Variants in SGCD observed in about 807,000 individuals in gnomAD.
SGCD encodes sarcoglycan delta.
In SGCD, 18 loss-of-function variants were observed where a neutral mutation model predicts 36.6. The observed-to-expected ratio is 0.49, with a 90% CI of 0.34 to 0.73. The LOEUF is 0.73. SGCD is among the 30% of genes least tolerant of loss of function. The pLI, the probability that SGCD is intolerant of heterozygous loss-of-function variation, is 0.01. For missense variants in SGCD, 387 were observed against 346.7 expected (o/e 1.12, Z -0.92); for synonymous variants, 133 against 130.6 (o/e 1.02, Z -0.12).
chr5:156,544,333 T>A (rs972385427), intron 4 of SGCD, among the ~76,000 whole-genome samples: 1 of 152,200 alleles, frequency 6.6e-6, no homozygotes, highest in African/African-American at 2.4e-5. Flanking sequence ...GTAATAAGGT[T>A]ACCTCTCAAT....
At chr5:156,672,827 T>C (rs769137575) in intron 7 of SGCD, among the ~76,000 whole-genome samples, 70 of 152,168 alleles carry the variant, frequency 4.6e-4, no homozygotes, top group Non-Finnish European at 9.8e-4. Context: ...CCTGCCCTTC[T>C]CTTGTTTGCT....
At chr5:156,506,802 T>C (rs1756720730) in intron 3 of SGCD, among the ~76,000 whole-genome samples, 1 of 152,120 alleles carries the variant, frequency 6.6e-6, no homozygotes, top group Admixed American at 6.5e-5. Flanking sequence ...AGATCAACAA[T>C]AAAGGAGGGA....
chr5:155,752,867 T>C, the SGCD span, among the ~76,000 whole-genome samples: 14 of 152,220 alleles, frequency 9.2e-5, no homozygotes, highest in East Asian at 2.1e-3. Flanking sequence ...CCCTCTCTTA[T>C]AGAAGAGAAA....
chr5:156,231,528 T>C (rs1019239421), intron 3 of SGCD, among the ~76,000 whole-genome samples: 8 of 152,068 alleles, frequency 5.3e-5, no homozygotes, highest in African/African-American at 1.7e-4. Context: ...AGAGAAAGAC[T>C]CTGTCTCAAA....
intron 4 of SGCD, among the ~76,000 whole-genome samples, chr5:156,574,367 T>C (rs1759839022): frequency 1.3e-5 from 2 of 152,170 alleles, no homozygotes; most frequent in African/African-American, 4.8e-5. Flanking sequence ...ACAAACATGA[T>C]GCTAAATTCC....
At chr5:156,149,367 A>G (rs1762779882) in intron 3 of SGCD, among the ~76,000 whole-genome samples, 1 of 152,162 alleles carries the variant, frequency 6.6e-6, no homozygotes, top group Non-Finnish European at 1.5e-5. Flanking sequence ...CTTTCTAACA[A>G]TTTGATTTGT....
At chr5:156,571,474 G>T (rs1453225392) in intron 4 of SGCD, among the ~76,000 whole-genome samples, 1 of 151,932 alleles carries the variant, frequency 6.6e-6, no homozygotes, top group African/African-American at 2.4e-5. Context: ...ATGATATAGG[G>T]ATCAGTCTGC....
chr5:155,730,905 TAAGTA>T, the SGCD span, among the ~76,000 whole-genome samples: 1 of 152,200 alleles, frequency 6.6e-6, no homozygotes, highest in Non-Finnish European at 1.5e-5. Flanking sequence ...CAAGGATATC[TAAGTA>T]GAGTGATTTC....
In SGCD at chr5:156,132,508, G is replaced by A. The variant is rs1314270360; in HGVS notation, c.-44+8489G>A. Among the ~76,000 whole-genome samples the A allele has an allele frequency of 3.8e-5, 4 of 104,530 alleles. No homozygotes were observed. The Admixed American group carries it at 4.6e-4, about 12-fold the overall frequency. The allele number at this position is 104,530 out of a possible 152,430, so 68.6% of individuals were successfully genotyped here. On this transcript the variant is annotated intron_variant, in intron 3 of 9. Coordinates refer to the SGCD transcript ENST00000517913. Reference sequence around the variant, plus strand: ...TTTTGAGACGGAGTCTCACTCTTTCGCCCAAGCTGGACTGCAGTGGCGCTA... The same window carrying A: ...TTTTGAGACGGAGTCTCACTCTTTCACCCAAGCTGGACTGCAGTGGCGCTA...
At chr5:156,611,217 G>A (rs1308485680) in intron 6 of SGCD, among the ~76,000 whole-genome samples, 1 of 152,182 alleles carries the variant, frequency 6.6e-6, no homozygotes, top group East Asian at 1.9e-4. Context: ...TCTACAGTGA[G>A]CTTTATACAT....
intron 3 of SGCD, among the ~76,000 whole-genome samples, chr5:156,144,659 T>C (rs1762669072): frequency 6.6e-6 from 1 of 152,230 alleles, no homozygotes; most frequent in Non-Finnish European, 1.5e-5. Context: ...ATGAGTAGGT[T>C]GCAAAAATTT....
chr5:155,913,284 G>C (rs889462670), intron 1 of SGCD, among the ~76,000 whole-genome samples: 1 of 152,178 alleles, frequency 6.6e-6, no homozygotes, highest in Non-Finnish European at 1.5e-5. Flanking sequence ...AGACAAGCCA[G>C]GGATTACCTT....
chr5:156,033,483 T>C (rs1581053198), intron 1 of SGCD, among the ~76,000 whole-genome samples: 1 of 152,168 alleles, frequency 6.6e-6, no homozygotes, highest in African/African-American at 2.4e-5. Context: ...AGTGAGAACA[T>C]GCAGTATTTG....
intron 1 of SGCD, among the ~76,000 whole-genome samples, chr5:156,047,536 C>A (rs555416958): frequency 6.6e-6 from 1 of 152,258 alleles, no homozygotes; most frequent in South Asian, 2.1e-4. Context: ...GAGGCTAAAT[C>A]TACTCTGCCT....
chr5:156,429,589 T>A (rs895899984), intron 3 of SGCD, among the ~76,000 whole-genome samples: 19 of 151,470 alleles, frequency 1.3e-4, no homozygotes, highest in African/African-American at 3.6e-4. Flanking sequence ...TTTTTTTTTT[T>A]AATTGTGTTT....
intron 6 of SGCD, among the ~76,000 whole-genome samples, chr5:156,638,364 G>A (rs2113555307): frequency 6.6e-6 from 1 of 152,158 alleles, no homozygotes; most frequent in African/African-American, 2.4e-5. Flanking sequence ...GCCTGATTCT[G>A]GCCACCTGTC....
chr5:156,654,383 CAG>C (rs1763592347), intron 7 of SGCD, among the ~76,000 whole-genome samples: 1 of 152,072 alleles, frequency 6.6e-6, no homozygotes, highest in Non-Finnish European at 1.5e-5. Flanking sequence ...AAACAGAAAA[CAG>C]TGGTTTGTGA....
the SGCD span, among the ~76,000 whole-genome samples, chr5:155,764,016 G>T: frequency 6.6e-6 from 1 of 151,956 alleles, no homozygotes; most frequent in Non-Finnish European, 1.5e-5. Flanking sequence ...GTACCTTTTT[G>T]CTTTTTGAAA....
chr5:156,575,791 G>A (rs1480848400), intron 4 of SGCD, among the ~76,000 whole-genome samples: 1 of 152,092 alleles, frequency 6.6e-6, no homozygotes, highest in Admixed American at 6.6e-5. Flanking sequence ...GAGCGATTGG[G>A]TACACAAAGG....
Sources: gnomAD v4.1 joint callset for allele counts (sites outside exome capture counted in the v4.1 genomes callset) on GRCh38, gnomAD v4.1.1 for gene constraint, MANE v1.5 for transcripts, NCBI Gene and HGNC (gene_info 2026-07-23, HGNC 2026-07-21) for gene names.